CFAP57: variants seen among roughly 807,000 people sequenced by gnomAD.
CFAP57 encodes the protein cilia and flagella associated protein 57, also known as cilia- and flagella-associated protein 57.
Under a neutral mutation model 146.8 loss-of-function variants are expected in CFAP57, and 116 were observed. That is an observed-to-expected ratio of 0.79 (90% CI 0.68 to 0.92). The LOEUF is 0.92. Ranked by LOEUF, CFAP57 falls within the 40% of genes least tolerant of loss-of-function variation. The pLI is 0.00. For synonymous variants in CFAP57, 518 were observed against 552.8 expected (o/e 0.94, Z 0.88); for missense variants, 1,377 against 1,527.2 (o/e 0.90, Z 1.64).
chr1:43,219,152 G>T (rs1040129841), intron 12 of CFAP57, among the ~76,000 whole-genome samples: 1 of 152,180 alleles, frequency 6.6e-6, no homozygotes, highest in Non-Finnish European at 1.5e-5. Flanking sequence ...TGAGATGAGC[G>T]CATGACTAGC....
chr1:43,183,911 T>G (rs1484198519), intron 4 of CFAP57, 34 bp downstream of exon 4: 3 of 1,612,144 alleles, frequency 1.9e-6, no homozygotes, highest in Middle Eastern at 1.9e-4. Context: ...GCTCCCACAT[T>G]CATTGTACTG....
At chr1:43,183,902 C>T (rs772157776) in intron 4 of CFAP57, 25 bp downstream of exon 4, 8 of 1,612,648 alleles carry the variant, frequency 5.0e-6, no homozygotes, top group East Asian at 2.2e-5. Context: ...TGGGCTGGTG[C>T]TCCCACATTC....
intron 17 of CFAP57, among the ~76,000 whole-genome samples, chr1:43,225,071 G>A (rs1645194638): frequency 6.6e-6 from 1 of 151,784 alleles, no homozygotes; most frequent in Admixed American, 6.6e-5. Flanking sequence ...TTGTTTGTTT[G>A]TTTGTTTGTT....
intron 22 of CFAP57, among the ~76,000 whole-genome samples, chr1:43,248,409 C>T (rs1186904072): frequency 3.3e-5 from 5 of 151,284 alleles, no homozygotes; most frequent in Admixed American, 3.3e-4. Context: ...GCCCTGCCTC[C>T]CGGGTTGACA....
At chr1:43,199,288 A>T in intron 8 of CFAP57, 102 bp from the exon 9 acceptor site, 1 of 1,072,012 alleles carries the variant, frequency 9.3e-7, no homozygotes, top group Non-Finnish European at 1.5e-6. Context: ...CCTCACACGT[A>T]GTTTCAGTCT....
chr1:43,222,287 C>G lies in CFAP57; in HGVS notation c.2524C>G (p.Leu842Val). ...AAAACTGCAGGAGAAAACCACCCTT[C>G]TGGAAGAGGTACTCACAGGAAGCCA... Reference protein sequence around the residue: ...EAKLQEKTTLLEEAQEDVRQQ... With the variant: ...EAKLQEKTTLVEEAQEDVRQQ... Residue 842 changes from leucine to valine, a missense_variant, in exon 15 of 23, where the codon CTG becomes GTG. Leu to Val is a conservative substitution (Grantham distance 32). Coordinates refer to ENST00000372492, the MANE Select transcript of CFAP57 (RefSeq NM_001378189.1). 1 of 1,441,008 alleles carries G rather than the reference C, an allele frequency of 6.9e-7. No individual in the cohort carries two copies. 89.3% of individuals were successfully genotyped at this position (1,441,008 alleles called of 1,614,324 possible). A position where few individuals can be genotyped will look rare whatever the true frequency, so the allele number is the denominator to read the frequency against.
intron 21 of CFAP57, among the ~76,000 whole-genome samples, chr1:43,236,770 C>T (rs947024932): frequency 2.0e-5 from 3 of 151,596 alleles, no homozygotes; most frequent in African/African-American, 4.8e-5. Flanking sequence ...ATTAGCCGGG[C>T]GTGTGGTGGG....
chr1:43,250,252 C>G (rs369134324), intron 22 of CFAP57: 1 of 152,160 alleles, frequency 6.6e-6, no homozygotes, highest in African/African-American at 2.4e-5. Flanking sequence ...CCAATACAAG[C>G]GTACTGGTTT....
rs541326338 is a variant in CFAP57 at position 43,207,086 on chromosome 1, T to G, written c.1755+154T>G. Among the ~76,000 whole-genome samples the G allele has an allele frequency of 2.6e-5, 4 of 152,362 alleles. No homozygotes were observed. In the South Asian group the frequency reaches 8.3e-4, roughly 32 times the overall value. ...ATCAGGCTCCTCATTCCTTTTAGATTAGCTCAGTTATCGTCACTTCCTGAA... is the reference window on the plus strand; with the variant it reads ...ATCAGGCTCCTCATTCCTTTTAGATGAGCTCAGTTATCGTCACTTCCTGAA... On this transcript the variant is annotated intron_variant, in intron 10 of 22. Coordinates refer to ENST00000372492, the MANE Select transcript of CFAP57 (RefSeq NM_001378189.1).
rs781405786 is a variant in CFAP57, at chr1:43,209,995, T to C, written c.1929+79T>C. ...CTTGTTCATCCCTTCAACCTCCCAATGTCTTTTCTCTCTCCTTCTTCTCTC... is the reference window on the plus strand; with the variant it reads ...CTTGTTCATCCCTTCAACCTCCCAACGTCTTTTCTCTCTCCTTCTTCTCTC... On this transcript the variant is annotated intron_variant, in intron 11 of 22. Coordinates refer to ENST00000372492, the MANE Select transcript of CFAP57 (RefSeq NM_001378189.1). 3.7e-6 allele frequency: 6 copies of C among 1,613,118 alleles called. No individual in the cohort carries two copies. In the East Asian group the frequency reaches 1.3e-4, roughly 36 times the overall value.
chr1:43,199,586 G>T (rs1354310761), intron 9 of CFAP57, 83 bp downstream of exon 9: 2 of 762,880 alleles, frequency 2.6e-6, no homozygotes, highest in Non-Finnish European at 4.1e-6. Flanking sequence ...GTGAACAAAA[G>T]AGAGATGGTT....
chr1:43,209,477 A>G (rs1644499911), intron 10 of CFAP57, among the ~76,000 whole-genome samples: 1 of 152,226 alleles, frequency 6.6e-6, no homozygotes, highest in African/African-American at 2.4e-5. Context: ...CTTGGCACAT[A>G]GTAAGTGCTA....
intron 11 of CFAP57, among the ~76,000 whole-genome samples, chr1:43,214,323 T>A (rs900999707): frequency 5.3e-5 from 8 of 152,272 alleles, no homozygotes; most frequent in Non-Finnish European, 1.5e-5. Flanking sequence ...CGACAGGTCG[T>A]CTCTTCAGTC....
Position 43,229,562 on chromosome 1 carries a change from A to C in CFAP57, c.3009+2436A>C, listed in dbSNP as rs552283421. ...CCCTTGGCTCATTTGTAGAGCTGCA[A>C]CTTCTAATAACACTTCCTGATTCAG... On this transcript the variant is annotated intron_variant, in intron 18 of 22. Coordinates refer to ENST00000372492, the MANE Select transcript of CFAP57 (RefSeq NM_001378189.1). Among the ~76,000 whole-genome samples, 5 of 148,674 alleles carry C rather than the reference A, an allele frequency of 3.4e-5. 1 individual carries two copies. The East Asian group carries it at 1.0e-3, about 31-fold the overall frequency.
intron 9 of CFAP57, among the ~76,000 whole-genome samples, chr1:43,203,068 G>A (rs1644203195): frequency 2.0e-5 from 3 of 152,070 alleles, no homozygotes; most frequent in Non-Finnish European, 4.4e-5. Flanking sequence ...AGCTACTCGG[G>A]AGGCTGAGGC....
intron 2 of CFAP57, among the ~76,000 whole-genome samples, chr1:43,176,454 C>T (rs1338734728): frequency 1.3e-5 from 2 of 152,120 alleles, no homozygotes; most frequent in African/African-American, 4.8e-5. Flanking sequence ...TGATCTGGCT[C>T]CCCATTTTAT....
intron 10 of CFAP57, 95 bp downstream of exon 10, chr1:43,207,027 C>T (rs572056375): frequency 3.9e-6 from 5 of 1,279,966 alleles, no homozygotes; most frequent in Non-Finnish European, 5.6e-6. Context: ...GAATGAGGGC[C>T]TCTGCATACA....
At chr1:43,227,295 C>T (rs1645283423) in intron 18 of CFAP57, among the ~76,000 whole-genome samples, 169 bp downstream of exon 18, 1 of 152,208 alleles carries the variant, frequency 6.6e-6, no homozygotes, top group Non-Finnish European at 1.5e-5. Context: ...GCCGTGGCCC[C>T]GCTGCAGGCT....
At chr1:43,243,994 T>C (rs1372928684) in intron 22 of CFAP57, among the ~76,000 whole-genome samples, 1 of 152,170 alleles carries the variant, frequency 6.6e-6, no homozygotes, top group African/African-American at 2.4e-5. Flanking sequence ...AAAAGGGAGC[T>C]TTTTTTCTGG....
Sources: gnomAD v4.1 joint callset for allele counts (sites outside exome capture counted in the v4.1 genomes callset) on GRCh38, gnomAD v4.1.1 for gene constraint, MANE v1.5 for transcripts, NCBI Gene and HGNC (gene_info 2026-07-23, HGNC 2026-07-21) for gene names.